Variants in KIDINS220 observed in about 807,000 individuals in gnomAD.
The protein encoded by KIDINS220 is kinase D-interacting substrate of 220 kDa.
Under a neutral mutation model 157.6 loss-of-function variants are expected in KIDINS220, and 63 were observed. The ratio of observed to expected loss-of-function variants is 0.40; its 90% confidence interval spans 0.33 to 0.49. The LOEUF is 0.49. Among genes scored for constraint, KIDINS220 ranks in the 20% least tolerant of loss-of-function variants. The probability of loss-of-function intolerance (pLI) is 0.66; values close to 1 mark genes in which losing one functional copy is unlikely to be tolerated. For missense variants in KIDINS220, 1,772 were observed against 2,171.2 expected, an observed-to-expected ratio of 0.82 and a Z score of 3.65; for synonymous variants, 732 against 783.6, an observed-to-expected ratio of 0.93 and a Z score of 1.10.
chr2:8,786,144 A>T, intron 16 of KIDINS220, 62 bp downstream of exon 16: 4 of 1,597,516 alleles, frequency 2.5e-6, no homozygotes, highest in Non-Finnish European at 3.4e-6. Flanking sequence ...TCATGAAAAT[A>T]AACTGAACAT....
intron 26 of KIDINS220, among the ~76,000 whole-genome samples, chr2:8,743,644 A>G (rs1422112722): frequency 6.6e-6 from 1 of 152,194 alleles, no homozygotes; most frequent in Non-Finnish European, 1.5e-5. Flanking sequence ...GGTGAGCGCC[A>G]TGGTCTCCTG....
intron 7 of KIDINS220, among the ~76,000 whole-genome samples, chr2:8,803,704 C>A (rs1345651244): frequency 6.6e-6 from 1 of 152,076 alleles, no homozygotes; most frequent in Non-Finnish European, 1.5e-5. Context: ...AAAAATTGCA[C>A]ATCTATTTTA....
chr2:8,831,668 C>G (rs1679643222), intron 1 of KIDINS220, among the ~76,000 whole-genome samples: 1 of 152,202 alleles, frequency 6.6e-6, no homozygotes, highest in African/African-American at 2.4e-5. Flanking sequence ...CTCCCTTAGA[C>G]TAGAAGTTCT....
chr2:8,828,271 C>T (rs1467939841), intron 1 of KIDINS220, among the ~76,000 whole-genome samples: 1 of 152,184 alleles, frequency 6.6e-6, no homozygotes, highest in African/African-American at 2.4e-5. Context: ...ATGCACACGG[C>T]TTACCCCCTG....
intron 2 of KIDINS220, among the ~76,000 whole-genome samples, chr2:8,826,206 C>T (rs1678793382): frequency 1.3e-5 from 2 of 152,176 alleles, no homozygotes; most frequent in Non-Finnish European, 2.9e-5. Flanking sequence ...TAGTGTGTTA[C>T]TAAATATAAT....
downstream of KIDINS220, among the ~76,000 whole-genome samples, chr2:8,726,381 T>G (rs375669114): frequency 2.6e-5 from 4 of 152,340 alleles, no homozygotes; most frequent in African/African-American, 9.6e-5. Context: ...TGGCTAATCA[T>G]TTTACTTAAA....
intron 25 of KIDINS220, 174 bp downstream of exon 25, chr2:8,747,713 A>G: frequency 2.5e-6 from 1 of 401,660 alleles, no homozygotes; most frequent in Non-Finnish European, 4.3e-6. Flanking sequence ...TTCCTTCCAT[A>G]GATATTTACC....
chr2:8,825,417 G>A (rs79786072), intron 2 of KIDINS220, among the ~76,000 whole-genome samples: 5,422 of 145,074 alleles, frequency 0.037, 121 homozygotes, highest in Middle Eastern at 0.062. Flanking sequence ...CCCAACAATG[G>A]AGAAATACTT....
At chr2:8,741,274 A>T (rs1238417604) in intron 26 of KIDINS220, among the ~76,000 whole-genome samples, 1 of 152,218 alleles carries the variant, frequency 6.6e-6, no homozygotes, top group East Asian at 1.9e-4. Context: ...TCTTTTAAAA[A>T]ACACAAGTAC....
At chr2:8,723,631 G>GC (rs1663099947), downstream of KIDINS220, 1 of 152,328 alleles carries the variant, frequency 6.6e-6, no homozygotes, top group South Asian at 2.1e-4. Context: ...ATAGTAGAGG[G>GC]CAGCAAGGGG....
At position 8,747,050 on chromosome 2, in the gene KIDINS220, A is replaced by G. The variant is rs3351; in HGVS notation, c.3585+95T>C. On this transcript the variant is annotated intron_variant, in intron 26 of 29. Transcript: ENST00000256707. ...GCTGCTCATCACACCACAAACGCAG[A>G]GTTAGTGAGCTGCTATCATCACAAT... is the stretch of plus-strand genomic sequence containing the variant. The G allele has an allele frequency of 0.12, 124,572 of 1,071,816 alleles. 8,100 individuals are homozygous for G. Among genetic ancestry groups the G allele is most frequent in the Middle Eastern group, 0.21 (1,010 of 4,846 alleles). 66.4% of individuals were successfully genotyped at this position (1,071,816 alleles called of 1,614,324 possible). A position where few individuals can be genotyped will look rare whatever the true frequency, so the allele number is the denominator to read the frequency against.
At position 8,796,002 on chromosome 2, in the gene KIDINS220, T is replaced by A. The variant is rs909255292; in HGVS notation, c.1098+769A>T. Among the ~76,000 whole-genome samples, 10 of 152,320 alleles carry A rather than the reference T, an allele frequency of 6.6e-5. No individual in the cohort carries two copies. In the East Asian group the frequency reaches 1.7e-3, roughly 26 times the overall value. The stretch of plus-strand genomic sequence containing the variant: ...CATGGTAATGACAGGGGGGAGGTGC[T>A]TTTATGTTTTAAAATAATGTTGTAA... On this transcript the variant is annotated intron_variant, in intron 11 of 29. Coordinates refer to ENST00000256707, the MANE Select transcript of KIDINS220 (RefSeq NM_020738.4).
chr2:8,814,830 C>T (rs146857876), intron 4 of KIDINS220, among the ~76,000 whole-genome samples: 116 of 152,304 alleles, frequency 7.6e-4, no homozygotes, highest in Non-Finnish European at 1.3e-3. Context: ...AAATCACGTT[C>T]CCCCTAGGGG....
At chr2:8,732,996 G>T (rs1664361969) in intron 29 of KIDINS220, among the ~76,000 whole-genome samples, 1 of 152,196 alleles carries the variant, frequency 6.6e-6, no homozygotes, top group South Asian at 2.1e-4. Flanking sequence ...CAGACCAGAA[G>T]AAACCAATAT....
In KIDINS220 at chr2:8,750,248, G is replaced by A. The variant is rs1293683237; in HGVS notation, c.3278C>T (p.Ser1093Leu). Residue 1093 changes from serine to leucine, a missense_variant, in exon 24 of 30, where the codon TCA (serine) becomes TTA (leucine). Ser to Leu is a moderately radical substitution (Grantham distance 145, BLOSUM62 -2). Transcript: ENST00000256707. The part of the protein sequence containing the change: ...PLHEGPPRAP[S>L]GYSQPPSVCS... Reference sequence around the variant, plus strand: ...CACGGATGGGGGCTGGCTGTACCCTGATGGCGCCCTAGGAGGACCCTCATG... The same window carrying A: ...CACGGATGGGGGCTGGCTGTACCCTAATGGCGCCCTAGGAGGACCCTCATG... 4.3e-6 allele frequency: 7 copies of A among 1,613,866 alleles called. No individual in the cohort carries two copies. The African/African-American group carries it at 5.3e-5, about 12-fold the overall frequency.
intron 6 of KIDINS220, among the ~76,000 whole-genome samples, chr2:8,807,513 T>C (rs1182183618): frequency 6.6e-6 from 1 of 152,234 alleles, no homozygotes. Flanking sequence ...GTGGCTACTG[T>C]GACTGATGAA....
intron 17 of KIDINS220, among the ~76,000 whole-genome samples, chr2:8,782,386 C>T (rs1401580505): frequency 6.6e-6 from 1 of 151,670 alleles, no homozygotes; most frequent in Non-Finnish European, 1.5e-5. Flanking sequence ...ACCTCATGGA[C>T]AAAAATAGGA....
At chr2:8,749,180 C>G (rs959613596) in intron 24 of KIDINS220, among the ~76,000 whole-genome samples, 2 of 152,166 alleles carry the variant, frequency 1.3e-5, no homozygotes, top group Admixed American at 6.5e-5. Flanking sequence ...CACCATTTTT[C>G]AAAAACTGAA....
chr2:8,755,406 T>TTTA (rs2148073682), intron 22 of KIDINS220, among the ~76,000 whole-genome samples: 1 of 152,352 alleles, frequency 6.6e-6, no homozygotes, highest in South Asian at 2.1e-4. Context: ...GGAAATTCCA[T>TTTA]TAAAACTGGG....
Sources: allele counts gnomAD v4.1 joint callset (sites outside exome capture counted in the v4.1 genomes callset), GRCh38; gene constraint gnomAD v4.1.1; transcripts MANE v1.5; gene names NCBI Gene and HGNC (gene_info 2026-07-23, HGNC 2026-07-21).